CNTN5: variants seen among roughly 807,000 people sequenced by gnomAD.
CNTN5 encodes the protein contactin-5.
Under a neutral mutation model 129.1 loss-of-function variants are expected in CNTN5, and 77 were observed. That is an observed-to-expected ratio of 0.60 (90% CI 0.50 to 0.72). The LOEUF (loss-of-function observed/expected upper bound fraction) is 0.72. CNTN5 is among the 30% of genes least tolerant of loss of function. The pLI is 0.00. For synonymous variants in CNTN5, 509 were observed against 465.6 expected, an observed-to-expected ratio of 1.09 and a Z score of -1.20; for missense variants, 1,478 against 1,328.8, an observed-to-expected ratio of 1.11 and a Z score of -1.75.
At chr11:99,626,960 C>T (rs1373052589) in intron 3 of CNTN5, among the ~76,000 whole-genome samples, 1 of 152,076 alleles carries the variant, frequency 6.6e-6, no homozygotes, top group African/African-American at 2.4e-5. Flanking sequence ...GCTATATTAT[C>T]CTTAGTCAGC....
intron 2 of CNTN5, among the ~76,000 whole-genome samples, chr11:99,357,429 A>G (rs1367445919): frequency 6.6e-6 from 1 of 152,140 alleles, no homozygotes; most frequent in African/African-American, 2.4e-5. Context: ...ACAATATTAT[A>G]TACTTGAAAT....
At chr11:99,723,033 A>G (rs1352436488) in intron 3 of CNTN5, among the ~76,000 whole-genome samples, 1 of 152,014 alleles carries the variant, frequency 6.6e-6, no homozygotes, top group Non-Finnish European at 1.5e-5. Context: ...TAGTGTTTCA[A>G]CACCAGCTAT....
intron 8 of CNTN5, among the ~76,000 whole-genome samples, chr11:99,984,981 G>A (rs1212006653): frequency 1.3e-5 from 2 of 152,304 alleles, no homozygotes; most frequent in South Asian, 2.1e-4. Context: ...GCTGGCAGGA[G>A]CGAGCTCCAT....
At chr11:99,645,577 A>G (rs906887656) in intron 3 of CNTN5, among the ~76,000 whole-genome samples, 1 of 152,144 alleles carries the variant, frequency 6.6e-6, no homozygotes, top group African/African-American at 2.4e-5. Context: ...AGACTGGATT[A>G]AGAAAATGTG....
chr11:100,007,872 A>G (rs959117032), intron 9 of CNTN5, among the ~76,000 whole-genome samples: 12 of 151,828 alleles, frequency 7.9e-5, no homozygotes, highest in African/African-American at 2.9e-4. Flanking sequence ...CTTCCTCACT[A>G]AGCTTAATTT....
At chr11:100,323,585 T>A (rs1487446340) in intron 21 of CNTN5, among the ~76,000 whole-genome samples, 1 of 152,160 alleles carries the variant, frequency 6.6e-6, no homozygotes, top group South Asian at 2.1e-4. Flanking sequence ...TTTCTTAATA[T>A]CTGTAAGATC....
At chr11:100,152,641 A>G (rs1014149796) in intron 13 of CNTN5, among the ~76,000 whole-genome samples, 24 of 152,244 alleles carry the variant, frequency 1.6e-4, no homozygotes, top group African/African-American at 4.3e-4. Flanking sequence ...CTGCATGTTT[A>G]GTGCCTCCTT....
intron 13 of CNTN5, among the ~76,000 whole-genome samples, chr11:100,120,588 G>T (rs1945984915): frequency 6.6e-6 from 1 of 151,906 alleles, no homozygotes; most frequent in African/African-American, 2.4e-5. Flanking sequence ...ATAAGCCATA[G>T]ATTTGGGGGA....
At chr11:100,020,593 G>C (rs1265033309) in intron 9 of CNTN5, among the ~76,000 whole-genome samples, 3 of 152,042 alleles carry the variant, frequency 2.0e-5, no homozygotes, top group Non-Finnish European at 2.9e-5. Flanking sequence ...TTTTGCTCAA[G>C]CTTGCATTGG....
intron 13 of CNTN5, among the ~76,000 whole-genome samples, chr11:100,184,710 CATTAATAGCT>C (rs1164605798): frequency 6.6e-6 from 1 of 152,100 alleles, no homozygotes; most frequent in Non-Finnish European, 1.5e-5. Flanking sequence ...ATGTTTAGTT[CATTAATAGCT>C]ATTTGTTATG....
chr11:99,967,048 G>T (rs1200327080), intron 8 of CNTN5, among the ~76,000 whole-genome samples: 1 of 152,134 alleles, frequency 6.6e-6, no homozygotes, highest in Admixed American at 6.6e-5. Flanking sequence ...CCTGGAAGAG[G>T]TGATATCTGA....
intron 3 of CNTN5, among the ~76,000 whole-genome samples, chr11:99,772,447 G>A (rs1483138134): frequency 6.6e-6 from 1 of 152,008 alleles, no homozygotes; most frequent in East Asian, 1.9e-4. Flanking sequence ...AGGTGTCTTG[G>A]ATTTGCTCCT....
intron 1 of CNTN5, among the ~76,000 whole-genome samples, chr11:99,131,600 C>T (rs529512309): frequency 1.3e-5 from 2 of 152,196 alleles, no homozygotes; most frequent in Middle Eastern, 6.8e-3. Context: ...CACAATCAGC[C>T]ATCAGAGAAT....
At chr11:99,268,595 T>G (rs1171932870) in intron 1 of CNTN5, among the ~76,000 whole-genome samples, 5 of 151,974 alleles carry the variant, frequency 3.3e-5, no homozygotes, top group African/African-American at 4.8e-5. Flanking sequence ...GAAGTCATAG[T>G]ATCTTTAATG....
At chr11:100,251,865 T>C (rs1448331867) in intron 16 of CNTN5, among the ~76,000 whole-genome samples, 2 of 152,196 alleles carry the variant, frequency 1.3e-5, no homozygotes, top group Non-Finnish European at 2.9e-5. Context: ...TTGTGAATAA[T>C]GCTGCAATAA....
chr11:99,125,420 C>G (rs772753218), intron 1 of CNTN5, among the ~76,000 whole-genome samples: 3 of 151,424 alleles, frequency 2.0e-5, no homozygotes, highest in Non-Finnish European at 4.4e-5. Flanking sequence ...ATGTTAAAAA[C>G]CCTCAATATA....
intron 3 of CNTN5, among the ~76,000 whole-genome samples, chr11:99,599,303 G>A (rs1950241468): frequency 6.6e-6 from 1 of 151,816 alleles, no homozygotes; most frequent in Admixed American, 6.6e-5. Flanking sequence ...CCTTTCATAG[G>A]TTGCTTATTG....
chr11:99,748,393 A>G (rs1025090507), intron 3 of CNTN5, among the ~76,000 whole-genome samples: 1 of 149,828 alleles, frequency 6.7e-6, no homozygotes, highest in Admixed American at 6.7e-5. Context: ...TGTATTAGTC[A>G]GTCTCCAGCA....
At chr11:100,090,839 TTC>T (rs947499650) in intron 13 of CNTN5, among the ~76,000 whole-genome samples, 2 of 151,538 alleles carry the variant, frequency 1.3e-5, no homozygotes, top group Admixed American at 1.3e-4. Context: ...TAAAGTTGTT[TTC>T]TCTCTCTATC....
Sources: gnomAD v4.1 joint callset for allele counts (sites outside exome capture counted in the v4.1 genomes callset) on GRCh38, gnomAD v4.1.1 for gene constraint, MANE v1.5 for transcripts, NCBI Gene and HGNC (gene_info 2026-07-23, HGNC 2026-07-21) for gene names.